Variants in PRELID2 observed in about 807,000 individuals in gnomAD.
PRELID2 encodes the protein PRELI domain-containing protein 2.
In PRELID2, 25 loss-of-function variants were observed where a neutral mutation model predicts 28.4. The ratio of observed to expected loss-of-function variants is 0.88; its 90% CI spans 0.64 to 1.23. The LOEUF is 1.23. Ranked by LOEUF, PRELID2 falls within the 50% of genes most tolerant of loss-of-function variation. The probability of loss-of-function intolerance (pLI) is 0.00; values close to 1 mark genes in which losing one functional copy is unlikely to be tolerated. For missense variants in PRELID2, 201 were observed against 214.4 expected, an observed-to-expected ratio of 0.94 and a Z score of 0.39; for synonymous variants, 76 against 71.6, an observed-to-expected ratio of 1.06 and a Z score of -0.31.
intron 5 of PRELID2, among the ~76,000 whole-genome samples, chr5:145,781,427 A>G (rs576865816): frequency 6.6e-6 from 1 of 152,166 alleles, no homozygotes; most frequent in Admixed American, 6.5e-5. Flanking sequence ...AAAAGACTTA[A>G]TTCAACACAA....
intron 1 of PRELID2, among the ~76,000 whole-genome samples, chr5:145,488,995 G>A (rs1463242862): frequency 2.0e-5 from 3 of 152,092 alleles, no homozygotes; most frequent in Non-Finnish European, 2.9e-5. Context: ...CGACTAGTTT[G>A]ACATGCATTC....
chr5:145,608,150 C>T (rs1580999176), intron 1 of PRELID2, among the ~76,000 whole-genome samples: 1 of 151,946 alleles, frequency 6.6e-6, no homozygotes, highest in South Asian at 2.1e-4. Context: ...CTCATCACTG[C>T]ATGTGAAGTG....
chr5:145,728,398 TC>T (rs1438986196), intron 1 of PRELID2: 1 of 502,764 alleles, frequency 2.0e-6, no homozygotes, highest in East Asian at 3.8e-5. Context: ...TGGGTAGAGC[TC>T]AGAAATCCAC....
the PRELID2 span, among the ~76,000 whole-genome samples, chr5:145,407,313 C>A: frequency 6.6e-6 from 1 of 152,124 alleles, no homozygotes; most frequent in East Asian, 1.9e-4. Flanking sequence ...CTTGCTGGCT[C>A]TGGATAAGGC....
At chr5:145,784,070 C>T (rs888455455) in intron 5 of PRELID2, among the ~76,000 whole-genome samples, 40 of 151,972 alleles carry the variant, frequency 2.6e-4, no homozygotes, top group African/African-American at 9.2e-4. Context: ...TCACTTGAGG[C>T]CACAGGTCCG....
chr5:145,707,230 A>G (rs2149707273), intron 1 of PRELID2, among the ~76,000 whole-genome samples: 1 of 152,336 alleles, frequency 6.6e-6, no homozygotes. Flanking sequence ...CAGGACCCAT[A>G]GCAAGCAAGT....
At chr5:145,286,841 C>G in the PRELID2 span, among the ~76,000 whole-genome samples, 1 of 151,732 alleles carries the variant, frequency 6.6e-6, no homozygotes, top group Non-Finnish European at 1.5e-5. Flanking sequence ...CCTGCCTCAG[C>G]TGGGATTACA....
the PRELID2 span, among the ~76,000 whole-genome samples, chr5:145,355,257 C>G: frequency 2.0e-5 from 3 of 152,028 alleles, no homozygotes; most frequent in African/African-American, 7.2e-5. Context: ...ATAGAATTAA[C>G]TGCAACATAA....
At chr5:145,394,768 G>A in the PRELID2 span, among the ~76,000 whole-genome samples, 1 of 152,050 alleles carries the variant, frequency 6.6e-6, no homozygotes, top group African/African-American at 2.4e-5. Flanking sequence ...AGAAAAGTGT[G>A]GTGGTTAGGA....
intron 5 of PRELID2, among the ~76,000 whole-genome samples, chr5:145,766,704 G>A (rs1319493639): frequency 6.6e-6 from 1 of 152,130 alleles, no homozygotes; most frequent in East Asian, 1.9e-4. Context: ...TCAGAGGTAG[G>A]AGACCTGAGT....
At chr5:145,692,039 C>T (rs1184858278) in intron 1 of PRELID2, among the ~76,000 whole-genome samples, 1 of 151,974 alleles carries the variant, frequency 6.6e-6, no homozygotes, top group African/African-American at 2.4e-5. Context: ...TGCTTGAATC[C>T]CCTCCCTCCC....
chr5:145,523,734 G>A (rs139619624), intron 1 of PRELID2, among the ~76,000 whole-genome samples: 1,631 of 152,138 alleles, frequency 0.011, 32 homozygotes, highest in African/African-American at 0.038. Flanking sequence ...AGCAACACTG[G>A]GAAGTTAGGG....
the PRELID2 span, among the ~76,000 whole-genome samples, chr5:145,446,668 G>GTATTATCATCTTCATGAGCCACA: frequency 7.2e-4 from 110 of 152,212 alleles, 1 homozygote; most frequent in East Asian, 0.02. Context: ...AAATTATCCC[G>GTATTATCATCTTCATGAGCCACA]TATTATCATC....
chr5:145,314,322 A>C, the PRELID2 span, among the ~76,000 whole-genome samples: 1 of 152,346 alleles, frequency 6.6e-6, no homozygotes, highest in Admixed American at 6.5e-5. Context: ...TACATAAGTA[A>C]CATTGTTAAA....
At chr5:145,333,819 C>CAAAA in the PRELID2 span, among the ~76,000 whole-genome samples, 2,444 of 90,988 alleles carry the variant, frequency 0.027, 90 homozygotes, top group African/African-American at 0.072. Context: ...CTGGAGTATA[C>CAAAA]AAAAAAAAAA....
At chr5:145,741,995 T>TTATA (rs536529261) in intron 1 of PRELID2, among the ~76,000 whole-genome samples, 1 of 53,550 alleles carries the variant, frequency 1.9e-5, no homozygotes, top group Non-Finnish European at 3.9e-5. Flanking sequence ...ATAAATTTAT[T>TTATA]ATAAATAATA....
chr5:145,315,545 G>GGGGT, the PRELID2 span, among the ~76,000 whole-genome samples: 5 of 143,002 alleles, frequency 3.5e-5, no homozygotes, highest in South Asian at 4.7e-4. Context: ...GCTCTTTCAG[G>GGGGT]GTGTGTGTGT....
chr5:145,793,960 A>G (rs900061220), intron 5 of PRELID2, among the ~76,000 whole-genome samples: 1 of 152,152 alleles, frequency 6.6e-6, no homozygotes, highest in African/African-American at 2.4e-5. Context: ...CATGGCAGAG[A>G]ATGAGCCATA....
At chr5:145,602,550 A>G (rs1484801010) in intron 1 of PRELID2, among the ~76,000 whole-genome samples, 1 of 152,158 alleles carries the variant, frequency 6.6e-6, no homozygotes, top group African/African-American at 2.4e-5. Flanking sequence ...GATGCAGACC[A>G]GCTATGTTTA....
Sources: gnomAD v4.1 joint callset for allele counts (sites outside exome capture counted in the v4.1 genomes callset) on GRCh38, gnomAD v4.1.1 for gene constraint, MANE v1.5 for transcripts, NCBI Gene and HGNC (gene_info 2026-07-23, HGNC 2026-07-21) for gene names.